Variants in EPB41L2 observed in about 807,000 individuals in gnomAD.
EPB41L2 encodes the protein band 4.1-like protein 2.
Under a neutral mutation model 113.0 loss-of-function variants are expected in EPB41L2, and 43 were observed. The ratio of observed to expected loss-of-function variants is 0.38; its 90% confidence interval spans 0.30 to 0.49. The LOEUF is 0.49. Among genes scored for constraint, EPB41L2 ranks in the 20% least tolerant of loss-of-function variants. The pLI is 0.95. For missense variants in EPB41L2, 1,147 were observed against 1,223.4 expected (o/e 0.94, Z 0.93); for synonymous variants, 442 against 436.7 (o/e 1.01, Z -0.15).
At chr6:130,860,777 G>C (rs1182666085) in intron 18 of EPB41L2, among the ~76,000 whole-genome samples, 1 of 151,768 alleles carries the variant, frequency 6.6e-6, no homozygotes, top group Non-Finnish European at 1.5e-5. Flanking sequence ...CTCATGATCT[G>C]CCCGCCTCGG....
chr6:130,899,438 A>C (rs952792354), intron 8 of EPB41L2, 53 bp downstream of exon 8: 2 of 1,484,530 alleles, frequency 1.3e-6, no homozygotes, highest in East Asian at 4.5e-5. Flanking sequence ...AGCCCTCTCA[A>C]AACCTCAGTC....
chr6:131,009,950 C>T (rs1786520170), intron 1 of EPB41L2, among the ~76,000 whole-genome samples: 1 of 152,178 alleles, frequency 6.6e-6, no homozygotes, highest in Admixed American at 6.5e-5. Flanking sequence ...AACATCTGTG[C>T]AATCAGGCAT....
Position 130,878,103 on chromosome 6 carries a change from C to A in EPB41L2, c.2043+1G>T, listed in dbSNP as rs762418178. 5 of 1,603,368 alleles carry A rather than the reference C, an allele frequency of 3.1e-6. No individual in the cohort carries two copies. Among genetic ancestry groups the A allele is most frequent in the South Asian group, 1.1e-5 (1 of 88,434 alleles). ...GAGCCAACAAATAGCTAATGACATA[C>A]CCCTTGTGTCTGTAGGGACAGAGGT... is the stretch of plus-strand genomic sequence containing the variant. On this transcript the variant is annotated splice_donor_variant, in intron 14 of 19. Transcript: ENST00000337057. LOFTEE classifies it high-confidence loss of function.
Position 130,853,526 on chromosome 6 carries a change from A to C in EPB41L2, c.*5+4605T>G, listed in dbSNP as rs1054321555. 2.0e-5 allele frequency among the ~76,000 whole-genome samples: 3 copies of C among 152,342 alleles called. No homozygotes were observed. In the East Asian group the frequency reaches 5.8e-4, roughly 29 times the overall value. ...GAGTAGTCCTTGAAAGGACATTAAA[A>C]AGTTACAAAGATTTAGTGAAGTCCT... On this transcript the variant is annotated intron_variant, in intron 19 of 19. Transcript: ENST00000337057.
chr6:131,006,397 C>T (rs1055666959), intron 1 of EPB41L2, among the ~76,000 whole-genome samples: 1 of 151,230 alleles, frequency 6.6e-6, no homozygotes, highest in Non-Finnish European at 1.5e-5. Context: ...CACGGTGGCT[C>T]ACGCCTGTAA....
intron 1 of EPB41L2, among the ~76,000 whole-genome samples, chr6:131,005,671 CA>C (rs1562714091): frequency 6.6e-6 from 1 of 152,158 alleles, no homozygotes; most frequent in African/African-American, 2.4e-5. Context: ...ACTTAAAAGG[CA>C]AATCTCAGTA....
intron 3 of EPB41L2, among the ~76,000 whole-genome samples, chr6:130,929,043 T>C (rs1396122263): frequency 6.6e-6 from 1 of 152,236 alleles, no homozygotes; most frequent in African/African-American, 2.4e-5. Context: ...AGGGAACAGA[T>C]ATTCTCAATG....
Position 130,870,134 on chromosome 6 carries a change from A to G in EPB41L2, c.2044-8T>C, listed in dbSNP as rs1357016760. On this transcript the variant is annotated splice_polypyrimidine_tract_variant and splice_region_variant and intron_variant, in intron 14 of 19. Coordinates refer to ENST00000337057, the MANE Select transcript of EPB41L2 (RefSeq NM_001431.4). Reference sequence around the variant, plus strand: ...CAGAGTCTCATGTGAACTCTGTACAAAAAAAGATGGATGAGGGAAAACAAA... The same window carrying G: ...CAGAGTCTCATGTGAACTCTGTACAGAAAAAGATGGATGAGGGAAAACAAA... The G allele has an allele frequency of 6.3e-7, 1 of 1,583,942 alleles. No individual in the cohort carries two copies. The highest frequency in any genetic ancestry group is 1.4e-5 in the African/African-American group (1 of 73,234).
intron 1 of EPB41L2, among the ~76,000 whole-genome samples, chr6:131,000,327 A>T (rs1021239741): frequency 4.6e-5 from 7 of 152,188 alleles, no homozygotes; most frequent in African/African-American, 1.7e-4. Context: ...AGGAAAGCTC[A>T]CAACTGAGGC....
At chr6:130,926,061 G>A (rs1804631690) in intron 4 of EPB41L2, among the ~76,000 whole-genome samples, 1 of 152,176 alleles carries the variant, frequency 6.6e-6, no homozygotes, top group Non-Finnish European at 1.5e-5. Context: ...CTGTTCTGCT[G>A]ACTGTGATTT....
intron 1 of EPB41L2, among the ~76,000 whole-genome samples, chr6:130,985,095 G>C (rs924431069): frequency 1.3e-5 from 2 of 152,208 alleles, no homozygotes; most frequent in Non-Finnish European, 2.9e-5. Context: ...CAGCCTGAAA[G>C]CTGAAAGACC....
intron 3 of EPB41L2, among the ~76,000 whole-genome samples, chr6:130,952,024 A>AT (rs1233578637): frequency 6.6e-6 from 1 of 152,158 alleles, no homozygotes; most frequent in African/African-American, 2.4e-5. Context: ...AGATTTGCAG[A>AT]TTTTTTGGCT....
At chr6:130,866,222 T>C (rs1783708171) in intron 16 of EPB41L2, among the ~76,000 whole-genome samples, 1 of 152,226 alleles carries the variant, frequency 6.6e-6, no homozygotes, top group Admixed American at 6.5e-5. Context: ...TGCTCCTACA[T>C]ATATATAAAT....
chr6:131,030,102 G>A (rs1490419988), intron 1 of EPB41L2, among the ~76,000 whole-genome samples: 1 of 152,092 alleles, frequency 6.6e-6, no homozygotes, highest in Non-Finnish European at 1.5e-5. Context: ...TATGCTTACA[G>A]CAACCCTAAG....
chr6:131,035,149 G>A (rs1395357267), intron 1 of EPB41L2, among the ~76,000 whole-genome samples: 2 of 152,106 alleles, frequency 1.3e-5, no homozygotes, highest in East Asian at 1.9e-4. Context: ...AATCTTACAC[G>A]GAAAGGTATT....
At chr6:130,933,863 T>C (rs1450423638) in intron 3 of EPB41L2, among the ~76,000 whole-genome samples, 2 of 152,130 alleles carry the variant, frequency 1.3e-5, no homozygotes, top group Admixed American at 6.6e-5. Context: ...CAGATTGTAG[T>C]GAATGCCACA....
Position 130,858,135 on chromosome 6 carries a change from CTT to C in EPB41L2, c.3017_3018del (p.Ter1006CysfsTer7), listed in dbSNP as rs1780875133. The C allele has an allele frequency of 6.2e-7, 1 of 1,612,730 alleles. No homozygotes were observed. Among genetic ancestry groups the C allele is most frequent in the Admixed American group, 1.7e-5 (1 of 59,994 alleles). Reference sequence around the variant, plus strand: ...AGACAATGAGGGCTCTCTTACCTTACTTAATCTTCCCCTTCCTCAGCCAACTC... The same window carrying C: ...AGACAATGAGGGCTCTCTTACCTTACAATCTTCCCCTTCCTCAGCCAACTC... ...ETELAEEGED[*>X] On this transcript the variant is annotated frameshift_variant and stop_lost, in exon 19 of 20. Transcript: ENST00000337057. LOFTEE classifies it high-confidence loss of function.
At chr6:130,993,992 A>G (rs913865744) in intron 1 of EPB41L2, among the ~76,000 whole-genome samples, 4 of 152,182 alleles carry the variant, frequency 2.6e-5, no homozygotes, top group African/African-American at 4.8e-5. Context: ...AAGCCACAGT[A>G]TACCGGGAAT....
At chr6:130,867,608 A>T in intron 15 of EPB41L2, 27 bp from the exon 16 acceptor site, 1 of 1,613,226 alleles carries the variant, frequency 6.2e-7, no homozygotes, top group Non-Finnish European at 8.5e-7. Flanking sequence ...AGGGAAAAAT[A>T]AATTCTAGAG....
Sources: gnomAD v4.1 joint callset for allele counts (sites outside exome capture counted in the v4.1 genomes callset) on GRCh38, gnomAD v4.1.1 for gene constraint, MANE v1.5 for transcripts, NCBI Gene and HGNC (gene_info 2026-07-23, HGNC 2026-07-21) for gene names.